Variants in BRDT observed in about 807,000 individuals in gnomAD.
BRDT encodes the protein bromodomain testis-specific protein.
In BRDT, 77 loss-of-function variants were observed where a neutral mutation model predicts 113.9. The observed-to-expected ratio is 0.68, with a 90% CI of 0.56 to 0.82. The LOEUF (loss-of-function observed/expected upper bound fraction) is 0.82. BRDT is among the 40% of genes least tolerant of loss of function. The probability of loss-of-function intolerance (pLI) is 0.00; values close to 1 mark genes in which losing one functional copy is unlikely to be tolerated. For missense variants in BRDT, 1,027 were observed against 1,105.4 expected (o/e 0.93, Z 1.01); for synonymous variants, 358 against 366.5 (o/e 0.98, Z 0.26).
chr1:92,010,940 C>T (rs1038245415), intron 18 of BRDT, among the ~76,000 whole-genome samples: 17 of 150,360 alleles, frequency 1.1e-4, no homozygotes, highest in African/African-American at 4.1e-4. Flanking sequence ...TACCAGGTGT[C>T]GTGAATGTTA....
chr1:91,995,120 T>C (rs1303462614), intron 15 of BRDT, among the ~76,000 whole-genome samples: 1 of 152,090 alleles, frequency 6.6e-6, no homozygotes, highest in Non-Finnish European at 1.5e-5. Context: ...TTGAAGGGGA[T>C]GTGTGGCACG....
chr1:91,975,931 T>G (rs931795855), intron 4 of BRDT, among the ~76,000 whole-genome samples: 5 of 152,224 alleles, frequency 3.3e-5, no homozygotes, highest in African/African-American at 1.2e-4. Flanking sequence ...CACATAGTAT[T>G]GTATGGTTGG....
chr1:91,993,247 T>C (rs1685964001), intron 14 of BRDT, among the ~76,000 whole-genome samples: 1 of 152,242 alleles, frequency 6.6e-6, no homozygotes. Flanking sequence ...TACACTTGCC[T>C]ACCTACTCAC....
At chr1:91,957,653 A>G (rs1681933640) in intron 1 of BRDT, 1 of 152,084 alleles carries the variant, frequency 6.6e-6, no homozygotes, top group Non-Finnish European at 1.5e-5. Context: ...CAACATTAAT[A>G]GTTTCCATAG....
At chr1:92,003,591 G>C (rs1445160273) in intron 16 of BRDT, among the ~76,000 whole-genome samples, 3 of 152,098 alleles carry the variant, frequency 2.0e-5, no homozygotes, top group Non-Finnish European at 1.5e-5. Flanking sequence ...AGTTTCGGAA[G>C]ACTTAGATGT....
At chr1:91,991,302 T>TAAC in intron 13 of BRDT, 57 bp downstream of exon 13, 1 of 936,134 alleles carries the variant, frequency 1.1e-6, no homozygotes, top group Non-Finnish European at 1.6e-6. Context: ...CTCATGGGTA[T>TAAC]AGTAGTAGCT....
rs141543100 is a variant in BRDT, at chr1:91,968,911, A to ATTATTTAT, written c.445+686_445+693dup. Among the ~76,000 whole-genome samples the ATTATTTAT allele has an allele frequency of 8.4e-3, 1,237 of 147,792 alleles. 9 individuals carry two copies. Among genetic ancestry groups the ATTATTTAT allele is most frequent in the African/African-American group, 0.027 (1,078 of 39,920 alleles). ...TTTCCTCATTTACAATATCAGGAAA[A>ATTATTTAT]TTATTTATTTATTTATTTATTTATT... On this transcript the variant is annotated intron_variant, in intron 4 of 18. Coordinates refer to ENST00000399546, the MANE Select transcript of BRDT (RefSeq NM_207189.4).
intron 3 of BRDT, among the ~76,000 whole-genome samples, chr1:91,967,552 C>A (rs964500395): frequency 3.3e-5 from 5 of 152,198 alleles, no homozygotes; most frequent in African/African-American, 1.2e-4. Context: ...GCACGCACCA[C>A]CACGCCTGGC....
intron 18 of BRDT, among the ~76,000 whole-genome samples, chr1:92,012,479 A>G (rs1261180453): frequency 6.6e-6 from 1 of 152,268 alleles, no homozygotes; most frequent in South Asian, 2.1e-4. Flanking sequence ...ATTTTGCAGT[A>G]TGTCTGGATA....
intron 1 of BRDT, among the ~76,000 whole-genome samples, chr1:91,951,312 G>A (rs1427660179): frequency 1.3e-5 from 2 of 152,172 alleles, no homozygotes; most frequent in Non-Finnish European, 2.9e-5. Context: ...CATAATTTAT[G>A]TGGTGACTAG....
chr1:91,990,020 CAAA>C (rs1685621667), intron 12 of BRDT, among the ~76,000 whole-genome samples: 1 of 152,162 alleles, frequency 6.6e-6, no homozygotes, highest in Non-Finnish European at 1.5e-5. Flanking sequence ...GAGCATGAAA[CAAA>C]TAACACTCAG....
chr1:91,976,468 CTTT>C, intron 5 of BRDT, 30 bp downstream of exon 5: 1 of 1,483,178 alleles, frequency 6.7e-7, no homozygotes, highest in Non-Finnish European at 8.9e-7. Flanking sequence ...TAAATCATTG[CTTT>C]TTAACACTGG....
At chr1:91,975,953 T>C (rs2101645092) in intron 4 of BRDT, among the ~76,000 whole-genome samples, 1 of 152,336 alleles carries the variant, frequency 6.6e-6, no homozygotes, top group Non-Finnish European at 1.5e-5. Context: ...CTCCAGAGTA[T>C]CTGAAATTTT....
intron 15 of BRDT, 59 bp downstream of exon 15, chr1:91,994,313 A>G: frequency 7.6e-7 from 1 of 1,319,272 alleles, no homozygotes. Flanking sequence ...ACCTATACAT[A>G]TATGAAAATG....
chr1:91,959,127 A>G (rs1483565259), intron 1 of BRDT, among the ~76,000 whole-genome samples: 2 of 152,230 alleles, frequency 1.3e-5, no homozygotes, highest in Non-Finnish European at 2.9e-5. Context: ...TTTTGAGCCA[A>G]GATCGCGCCA....
At chr1:92,007,717 T>C (rs774857365) in intron 18 of BRDT, among the ~76,000 whole-genome samples, 4 of 152,224 alleles carry the variant, frequency 2.6e-5, no homozygotes, top group South Asian at 4.1e-4. Flanking sequence ...ATTTACGTTA[T>C]ACCACCTCAT....
At chr1:91,981,216 A>G (rs751317630) in intron 10 of BRDT, 38 bp downstream of exon 10, 4 of 1,608,778 alleles carry the variant, frequency 2.5e-6, no homozygotes, top group Non-Finnish European at 3.4e-6. Context: ...TCGGTTTGGT[A>G]TTTATGTTGG....
chr1:92,013,395 A>T (rs1368013305), intron 18 of BRDT, among the ~76,000 whole-genome samples: 2 of 152,146 alleles, frequency 1.3e-5, no homozygotes, highest in Non-Finnish European at 1.5e-5. Context: ...GCTAATGAGA[A>T]TGCTAATTCC....
rs1041620830 is a variant in BRDT at position 91,949,438 on chromosome 1, T to C, written c.-282T>C. The C allele has an allele frequency of 1.3e-5, 2 of 152,270 alleles. No individual in the cohort carries two copies. Among genetic ancestry groups the C allele is most frequent in the African/African-American group, 4.8e-5 (2 of 41,472 alleles). 9.4% of individuals were successfully genotyped at this position (152,270 alleles called of 1,614,324 possible). A position where few individuals can be genotyped will look rare whatever the true frequency, so the allele number is the denominator to read the frequency against. ...GGCGGCGAGGAACTGCGGAGAACTG[T>C]TGCCCTGCACCGCTTCATTTTGTGC... On this transcript the variant is annotated 5_prime_UTR_variant, in exon 1 of 19. Coordinates refer to ENST00000399546, the MANE Select transcript of BRDT (RefSeq NM_207189.4).
Sources: gnomAD v4.1 joint callset for allele counts (sites outside exome capture counted in the v4.1 genomes callset) on GRCh38, gnomAD v4.1.1 for gene constraint, MANE v1.5 for transcripts, NCBI Gene and HGNC (gene_info 2026-07-23, HGNC 2026-07-21) for gene names.